Variants in PNPLA6 observed in about 807,000 individuals in gnomAD.
PNPLA6 encodes the protein patatin-like phospholipase domain-containing protein 6.
In PNPLA6, 105 loss-of-function variants were observed where a neutral mutation model predicts 153.7. The ratio of observed to expected loss-of-function variants is 0.68; its 90% confidence interval spans 0.58 to 0.80. PNPLA6 has a LOEUF of 0.80. PNPLA6 is among the 30% of genes least tolerant of loss of function. The pLI, the probability that PNPLA6 is intolerant of heterozygous loss-of-function variation, is 0.00. For synonymous variants in PNPLA6, 825 were observed against 822.2 expected (o/e 1.00, Z -0.06); for missense variants, 1,423 against 1,919.3 (o/e 0.74, Z 4.83).
rs775899903 is a variant in PNPLA6, at chr19:7,555,689, T to G, written c.3019T>G (p.Ser1007Ala). The change falls in exon 24 of 32, where the codon TCT (serine) becomes GCT (alanine). Residue 1007 changes from serine (S) to alanine (A), a missense_variant. Ser to Ala is a moderately conservative substitution (Grantham distance 99). Around this residue, in one of 10 missense-constraint regions of PNPLA6, gnomAD observed 643 missense variants for 835.2 expected, o/e 0.77. Transcript: ENST00000600737. This position sits in a 1 kb window ranked among gnomAD's most constrained non-coding sequence, Gnocchi z 6.3. ...VDLVGGTSIG[S>A]FIGALYAEER... ...CCTGGTGGGCGGCACGTCCATTGGCTCTTTCATCGGAGCGTTGTACGCGGA... is the reference window on the plus strand; with the variant it reads ...CCTGGTGGGCGGCACGTCCATTGGCGCTTTCATCGGAGCGTTGTACGCGGA... The G allele has an allele frequency of 9.3e-6, 15 of 1,613,774 alleles. No individual in the cohort carries two copies. The South Asian group carries it at 1.2e-4, about 13-fold the overall frequency.
At chr19:7,536,408 C>A in intron 2 of PNPLA6, 41 bp from the exon 3 acceptor site, 1 of 1,484,954 alleles carries the variant, frequency 6.7e-7, no homozygotes, top group Non-Finnish European at 9.4e-7. Flanking sequence ...TCTCCAAGGT[C>A]TGAATTAGCA....
rs751735684 is a variant in PNPLA6 at position 7,550,351 on chromosome 19, C to T, written c.1868C>T (p.Ala623Val). 1.2e-6 allele frequency: 2 copies of T among 1,612,500 alleles called. No individual in the cohort carries two copies. The highest frequency in any genetic ancestry group is 1.7e-6 in the Non-Finnish European group (2 of 1,180,032). ...CTGAGTGCGGCGCACACGGTGGCAG[C>T]CAGGATGTCGCCCTTCGTGCGCCAG... is the stretch of plus-strand genomic sequence containing the variant. ...VVLSAAHTVAARMSPFVRQMD... is the reference protein window; with the variant it reads ...VVLSAAHTVAVRMSPFVRQMD... The change falls in exon 15 of 32, where the codon GCC (alanine) becomes GTC (valine). Residue 623 changes from alanine (A) to valine (V), a missense_variant. Physicochemically the swap from Ala to Val is moderately conservative, Grantham distance 64 (BLOSUM62 0). This residue lies in a region of PNPLA6 where 119 missense variants were observed against 163.7 expected (regional missense o/e 0.73). Coordinates refer to ENST00000600737, the MANE Select transcript of PNPLA6 (RefSeq NM_001166114.2).
At chr19:7,554,044 G>C in intron 19 of PNPLA6, 29 bp downstream of exon 19, 1 of 1,607,946 alleles carries the variant, frequency 6.2e-7, no homozygotes, top group South Asian at 1.1e-5. Context: ...ATGGGTGGGG[G>C]CTGGCGGTGG....
chr19:7,534,930 C>G (rs2022768425), upstream of PNPLA6: 1 of 160,262 alleles, frequency 6.2e-6, no homozygotes, highest in Non-Finnish European at 1.4e-5. Context: ...TCCGCGGATG[C>G]CCCGGCAGTA....
In PNPLA6 at chr19:7,555,130, G is replaced by T; in HGVS notation, c.2817+55G>T. On this transcript the variant is annotated intron_variant, in intron 22 of 31. Transcript: ENST00000600737. The surrounding 1 kb of genome is among the most constrained non-coding windows in gnomAD (Gnocchi z 6.3). ...GGGGCGTGGCTGGTGGGCGAGGCTTGGGAGACTGGGGCGGGGCCTGGGAGG... is the reference window on the plus strand; with the variant it reads ...GGGGCGTGGCTGGTGGGCGAGGCTTTGGAGACTGGGGCGGGGCCTGGGAGG... 6.4e-7 allele frequency: 1 copy of T among 1,564,014 alleles called. No homozygotes were observed. The highest frequency in any genetic ancestry group is 8.6e-7 in the Non-Finnish European group (1 of 1,160,002).
chr19:7,542,700 A>G (rs746417769), intron 11 of PNPLA6, 30 bp downstream of exon 11: 16 of 1,612,110 alleles, frequency 9.9e-6, no homozygotes, highest in Non-Finnish European at 1.3e-5. Context: ...CCGGTGGTGG[A>G]GCCCGCAGGG....
At chr19:7,554,462 C>G in intron 20 of PNPLA6, 93 bp from the exon 21 acceptor site, 1 of 1,470,036 alleles carries the variant, frequency 6.8e-7, no homozygotes, top group South Asian at 1.2e-5. Context: ...GTTTGGGTGT[C>G]TAAGTTCCTC....
Position 7,540,954 on chromosome 19 carries a change from C to G in PNPLA6, c.827C>G (p.Ala276Gly). 6.2e-7 allele frequency: 1 copy of G among 1,612,142 alleles called. No homozygotes were observed. The highest frequency in any genetic ancestry group is 8.5e-7 in the Non-Finnish European group (1 of 1,179,696). The stretch of plus-strand genomic sequence containing the variant: ...CAGCATCCCCAGCGGACCGTGTCTG[C>G]CCGGGCGGCCCGGGACTCCACGGTG... ...GHQHPQRTVS[A>G]RAARDSTVLR... The change falls in exon 7 of 32, where the codon GCC becomes GGC. Residue 276 changes from alanine (A) to glycine (G), a missense_variant. Coordinates refer to ENST00000600737, the MANE Select transcript of PNPLA6 (RefSeq NM_001166114.2). This position sits in a 1 kb window ranked among gnomAD's most constrained non-coding sequence, Gnocchi z 6.8.
At chr19:7,546,908 A>AT (rs35038958) in intron 13 of PNPLA6, among the ~76,000 whole-genome samples, 86,188 of 145,870 alleles carry the variant, frequency 0.59, 26,220 homozygotes, top group Non-Finnish European at 0.68. Context: ...AGCCAATTCA[A>AT]TTTTTTTTTT....
intron 20 of PNPLA6, 54 bp from the exon 21 acceptor site, chr19:7,554,501 A>T: frequency 6.3e-7 from 1 of 1,592,970 alleles, no homozygotes; most frequent in South Asian, 1.1e-5. Context: ...GGTCTCGGGG[A>T]GCACACTGAC....
chr19:7,559,392 T>C (rs761079579), intron 28 of PNPLA6, among the ~76,000 whole-genome samples: 19 of 152,168 alleles, frequency 1.2e-4, no homozygotes, highest in African/African-American at 3.4e-4. Flanking sequence ...CTGGAAGCAC[T>C]GTATAGTGAT....
chr19:7,557,078 C>T, intron 26 of PNPLA6, 90 bp from the exon 27 acceptor site: 1 of 984,018 alleles, frequency 1.0e-6, no homozygotes, highest in Non-Finnish European at 1.6e-6. Context: ...TTAACAACGT[C>T]CCAGGTCAGC....
rs755872517 is a variant in PNPLA6 at position 7,560,672 on chromosome 19, G to A, written c.3724G>A (p.Ala1242Thr). ...IYDVGYQYGK[A>T]VFGGWSRGNV... ...GGATGTGGGCTACCAGTACGGGAAG[G>A]CGGTGTTTGGAGGCTGGAGCCGTGG... The change falls in exon 29 of 32, where the codon GCG becomes ACG. Residue 1242 changes from alanine to threonine, a missense_variant. Coordinates refer to ENST00000600737, the MANE Select transcript of PNPLA6 (RefSeq NM_001166114.2). 1.7e-4 allele frequency: 279 copies of A among 1,613,502 alleles called. 1 individual carries two copies. Among genetic ancestry groups the A allele is most frequent in the Non-Finnish European group, 2.2e-4 (259 of 1,179,580 alleles).
At chr19:7,559,698 G>T (rs1248138604) in intron 28 of PNPLA6, among the ~76,000 whole-genome samples, 2 of 152,038 alleles carry the variant, frequency 1.3e-5, no homozygotes, top group Non-Finnish European at 1.5e-5. Flanking sequence ...TAAAAAATTA[G>T]CTGGGTGTGG....
Position 7,561,280 on chromosome 19 carries a change from C to T in PNPLA6, c.3986C>T (p.Ser1329Phe). Residue 1329 changes from serine to phenylalanine, a missense_variant, in exon 31 of 32, where the codon TCC (serine) becomes TTC (phenylalanine). Physicochemically the swap from Ser to Phe is radical, Grantham distance 155. Coordinates refer to ENST00000600737, the MANE Select transcript of PNPLA6 (RefSeq NM_001166114.2). ...GACTGCTCGAGGGATGAAGGGGGGT[C>T]CCCCGAGGGCGCAAGCCCCAGCACT... Reference protein sequence around the residue: ...GPDCSRDEGGSPEGASPSTAS... With the variant: ...GPDCSRDEGGFPEGASPSTAS... 6.2e-7 allele frequency: 1 copy of T among 1,609,024 alleles called. No homozygotes were observed. Among genetic ancestry groups the T allele is most frequent in the South Asian group, 1.1e-5 (1 of 90,002 alleles).
Position 7,555,779 on chromosome 19 carries a change from A to G in PNPLA6, c.3093+16A>G, listed in dbSNP as rs758827643. ...GTGGGCCAAGGTGTGTGTTGCGAGG[A>G]GGGATTGCTGCACCCCAGGAGTGCC... On this transcript the variant is annotated intron_variant, in intron 24 of 31. Coordinates refer to ENST00000600737, the MANE Select transcript of PNPLA6 (RefSeq NM_001166114.2). This position sits in a 1 kb window ranked among gnomAD's most constrained non-coding sequence, Gnocchi z 6.3. The G allele has an allele frequency of 1.9e-6, 3 of 1,611,820 alleles. No individual in the cohort carries two copies. Among genetic ancestry groups the G allele is most frequent in the African/African-American group, 2.7e-5 (2 of 74,866 alleles).
chr19:7,557,115 G>GGCGTGTCTGA, intron 26 of PNPLA6, 53 bp from the exon 27 acceptor site: 1 of 1,366,132 alleles, frequency 7.3e-7, no homozygotes. Flanking sequence ...CTGGGCCTCC[G>GGCGTGTCTGA]GCGTGTCTGA....
intron 13 of PNPLA6, among the ~76,000 whole-genome samples, chr19:7,545,735 A>G (rs2023359198): frequency 6.6e-6 from 1 of 151,946 alleles, no homozygotes; most frequent in South Asian, 2.1e-4. Context: ...AACATGGTGA[A>G]ACCCCATTTC....
In PNPLA6 at chr19:7,550,328, G is replaced by A. The variant is rs377370377; in HGVS notation, c.1845G>A (p.Leu615=). The part of the protein sequence containing the change: ...EIMRAQPSVV[L]SAAHTVAARM... The stretch of plus-strand genomic sequence containing the variant: ...TGCGCGCACAGCCCAGTGTGGTGCT[G>A]AGTGCGGCGCACACGGTGGCAGCCA... Residue 615 remains leucine, a synonymous_variant, in exon 15 of 32, where the codon CTG becomes CTA. Transcript: ENST00000600737. The A allele has an allele frequency of 6.2e-7, 1 of 1,612,736 alleles. No homozygotes were observed. Among genetic ancestry groups the A allele is most frequent in the Non-Finnish European group, 8.5e-7 (1 of 1,180,046 alleles).
Sources: allele counts gnomAD v4.1 joint callset (sites outside exome capture counted in the v4.1 genomes callset), GRCh38; gene constraint gnomAD v4.1.1; regional missense constraint gnomAD v4.1.1; non-coding constraint Gnocchi (gnomAD v3.1); transcripts MANE v1.5; gene names NCBI Gene and HGNC (gene_info 2026-07-23, HGNC 2026-07-21).